SMYD3: variants seen among roughly 807,000 people sequenced by gnomAD.
SMYD3 encodes the protein SET and MYND domain containing 3, also known as histone-lysine N-methyltransferase SMYD3.
A neutral mutation model predicts 57.7 loss-of-function variants in SMYD3; 36 were observed. The observed-to-expected ratio is 0.62, with a 90% CI of 0.48 to 0.82. SMYD3 has a LOEUF of 0.82. Among genes scored for constraint, SMYD3 ranks in the 40% least tolerant of loss-of-function variants. The pLI, the probability that SMYD3 is intolerant of heterozygous loss-of-function variation, is 0.00. For missense variants in SMYD3, 515 were observed against 538.8 expected (o/e 0.96, Z 0.44); for synonymous variants, 211 against 195.0 (o/e 1.08, Z -0.68).
At chr1:246,237,012 G>C (rs915103190) in intron 5 of SMYD3, among the ~76,000 whole-genome samples, 1 of 152,114 alleles carries the variant, frequency 6.6e-6, no homozygotes, top group Non-Finnish European at 1.5e-5. Context: ...GCTACCACTT[G>C]ATGAAGAAAA....
At chr1:246,410,157 T>C (rs929214523) in intron 1 of SMYD3, among the ~76,000 whole-genome samples, 1 of 152,202 alleles carries the variant, frequency 6.6e-6, no homozygotes, top group African/African-American at 2.4e-5. Context: ...TTGAATGCCC[T>C]TTATTCCCTT....
chr1:245,908,932 T>C (rs1246102145), intron 8 of SMYD3, among the ~76,000 whole-genome samples: 1 of 151,432 alleles, frequency 6.6e-6, no homozygotes, highest in South Asian at 2.1e-4. Flanking sequence ...TAAACCAACA[T>C]CAAAATTAGT....
At chr1:245,893,176 G>C (rs1403774470) in intron 8 of SMYD3, among the ~76,000 whole-genome samples, 1 of 152,154 alleles carries the variant, frequency 6.6e-6, no homozygotes, top group East Asian at 1.9e-4. Context: ...AAATGTATTA[G>C]GAGGATGAAA....
At chr1:246,446,408 T>C (rs1203597434) in intron 1 of SMYD3, among the ~76,000 whole-genome samples, 1 of 152,152 alleles carries the variant, frequency 6.6e-6, no homozygotes, top group African/African-American at 2.4e-5. Flanking sequence ...TATAAAAACA[T>C]AATCTTTCAA....
In SMYD3 at chr1:245,918,978, A is replaced by ATGAG. The variant is rs555852570; in HGVS notation, c.703-3342_703-3339dup. 3.1e-4 allele frequency among the ~76,000 whole-genome samples: 47 copies of ATGAG among 152,280 alleles called. No homozygotes were observed. The East Asian group carries it at 8.1e-3, about 26-fold the overall frequency. ...GACTTTATTACAAGGGCCAAAACTC[A>ATGAG]TGAGTGATCTTGTCAGGCAGTGAAT... On this transcript the variant is annotated intron_variant, in intron 7 of 11. Transcript: ENST00000490107.
chr1:245,856,822 T>C (rs918651394), intron 10 of SMYD3, among the ~76,000 whole-genome samples: 3 of 152,126 alleles, frequency 2.0e-5, no homozygotes, highest in East Asian at 3.9e-4. Flanking sequence ...GCAGCTGCTG[T>C]TGGGGGCCTG....
chr1:246,022,626 T>A (rs1238917855), intron 5 of SMYD3, among the ~76,000 whole-genome samples: 2 of 152,218 alleles, frequency 1.3e-5, no homozygotes, highest in Non-Finnish European at 1.5e-5. Context: ...TAGGGCTGTA[T>A]CTATCAGCGT....
intron 5 of SMYD3, among the ~76,000 whole-genome samples, chr1:246,082,986 T>C (rs12745535): frequency 0.34 from 46,701 of 137,112 alleles, 10,909 homozygotes; most frequent in African/African-American, 0.65. Context: ...TGCGGAAGGC[T>C]GCAGGGACCT....
intron 11 of SMYD3, among the ~76,000 whole-genome samples, chr1:245,759,345 G>T (rs1461054214): frequency 6.6e-6 from 1 of 152,080 alleles, no homozygotes; most frequent in East Asian, 1.9e-4. Context: ...AACGTATGAT[G>T]TTAAGTGTTT....
At chr1:246,295,363 G>A (rs2064773374) in intron 5 of SMYD3, among the ~76,000 whole-genome samples, 1 of 152,192 alleles carries the variant, frequency 6.6e-6, no homozygotes, top group Non-Finnish European at 1.5e-5. Context: ...CCGAGGAGTT[G>A]ATGAGCAAAC....
chr1:245,893,644 G>A (rs2053538428), intron 8 of SMYD3, among the ~76,000 whole-genome samples: 1 of 152,186 alleles, frequency 6.6e-6, no homozygotes, highest in Admixed American at 6.5e-5. Context: ...AGGTAAAATG[G>A]TAGTGACAGA....
rs189037591 is a variant in SMYD3, at chr1:246,054,707, G to T, written c.532-124770C>A. On this transcript the variant is annotated intron_variant, in intron 5 of 11. Transcript: ENST00000490107. ...AAAAGGAGATCACTAATCAGCTGGG[G>T]CTGGGGGTGGGTGAGGGATAGACTG... 1.1e-4 allele frequency among the ~76,000 whole-genome samples: 16 copies of T among 152,150 alleles called. No homozygotes were observed. The East Asian group carries it at 1.9e-3, about 18-fold the overall frequency.
intron 1 of SMYD3, among the ~76,000 whole-genome samples, chr1:246,484,079 A>G (rs1481283215): frequency 4.6e-5 from 4 of 87,436 alleles, no homozygotes; most frequent in African/African-American, 3.1e-4. Context: ...AAACCATTGT[A>G]CTAGTTACAC....
chr1:246,296,168 A>G (rs1033469377), intron 5 of SMYD3, among the ~76,000 whole-genome samples: 1 of 152,216 alleles, frequency 6.6e-6, no homozygotes, highest in African/African-American at 2.4e-5. Flanking sequence ...CTATGCAGAC[A>G]GAGAAACTTC....
intron 8 of SMYD3, among the ~76,000 whole-genome samples, chr1:245,903,708 C>A (rs2054351263): frequency 6.6e-6 from 1 of 152,120 alleles, no homozygotes; most frequent in Admixed American, 6.5e-5. Flanking sequence ...GTGTCCTTAC[C>A]CAAATCTCAT....
chr1:246,339,026 T>C (rs1471400442), intron 2 of SMYD3, among the ~76,000 whole-genome samples: 1 of 152,162 alleles, frequency 6.6e-6, no homozygotes, highest in Non-Finnish European at 1.5e-5. Flanking sequence ...TTGTTTATAA[T>C]TGTCTGAGCC....
chr1:246,328,192 C>G (rs1356192134), intron 4 of SMYD3, among the ~76,000 whole-genome samples: 4 of 151,308 alleles, frequency 2.6e-5, no homozygotes, highest in Non-Finnish European at 1.5e-5. Flanking sequence ...GACTCCATCT[C>G]CAAAAAACAA....
chr1:246,188,304 G>A (rs2148314294), intron 5 of SMYD3, among the ~76,000 whole-genome samples: 1 of 152,288 alleles, frequency 6.6e-6, no homozygotes, highest in South Asian at 2.1e-4. Flanking sequence ...ATTGGACTCT[G>A]AAAAGAGGAT....
chr1:246,401,203 T>C (rs564141858), intron 1 of SMYD3, among the ~76,000 whole-genome samples: 65 of 152,264 alleles, frequency 4.3e-4, no homozygotes, highest in Admixed American at 6.5e-4. Context: ...TATTAAACTC[T>C]AAAAAATAAG....
Sources: gnomAD v4.1 joint callset for allele counts (sites outside exome capture counted in the v4.1 genomes callset) on GRCh38, gnomAD v4.1.1 for gene constraint, MANE v1.5 for transcripts, NCBI Gene and HGNC (gene_info 2026-07-23, HGNC 2026-07-21) for gene names.